The following RPRD1B variants were observed in gnomAD, a reference collection of about 807,000 sequenced individuals.
RPRD1B encodes the protein regulation of nuclear pre-mRNA domain-containing protein 1B.
RPRD1B carries 11 observed loss-of-function variants against 41.5 expected under a neutral mutation model. That is an observed-to-expected ratio of 0.27 (90% CI 0.17 to 0.44). The LOEUF (loss-of-function observed/expected upper bound fraction) is 0.44, where lower values mean the gene tolerates loss of function less well. RPRD1B is among the 20% of genes least tolerant of loss of function. The pLI is 1.00. For missense variants in RPRD1B, 248 were observed against 389.9 expected (o/e 0.64, Z 3.06); for synonymous variants, 158 against 155.6 (o/e 1.02, Z -0.12).
intron 3 of RPRD1B, among the ~76,000 whole-genome samples, chr20:38,055,452 T>G (rs2074230203): frequency 6.6e-6 from 1 of 150,876 alleles, no homozygotes; most frequent in South Asian, 2.1e-4. Context: ...AGCATGCAGT[T>G]TTTTTTTTTT....
At chr20:38,049,797 TGGA>T in intron 3 of RPRD1B, 1 of 471,234 alleles carries the variant, frequency 2.1e-6, no homozygotes, top group South Asian at 1.5e-5. Context: ...ACATGTTTCC[TGGA>T]GGATCGAGTC....
At chr20:38,087,998 T>C (rs2074577785) in intron 6 of RPRD1B, among the ~76,000 whole-genome samples, 1 of 152,182 alleles carries the variant, frequency 6.6e-6, no homozygotes, top group Non-Finnish European at 1.5e-5. Context: ...TGGGAGTCAT[T>C]GCTAATCATT....
chr20:38,040,659 A>T, intron 2 of RPRD1B, 95 bp downstream of exon 2: 1 of 1,356,592 alleles, frequency 7.4e-7, no homozygotes, highest in Non-Finnish European at 1.0e-6. Flanking sequence ...TAAATTGACA[A>T]CTTCCTACTT....
Position 38,091,664 on chromosome 20 carries a change from A to G in RPRD1B, c.*1789A>G, listed in dbSNP as rs2074613109. On this transcript the variant is annotated 3_prime_UTR_variant, in exon 7 of 7. Transcript: ENST00000373433. ...CCCCCCGTGGTGTGCTGCTTTCTAG[A>G]TGAGCGTGTTTTGGAGCAGGCCCAT... 1.0e-6 allele frequency: 1 copy of G among 985,548 alleles called. No individual in the cohort carries two copies. The highest frequency in any genetic ancestry group is 1.1e-4 in the East Asian group (1 of 8,808). The allele number at this position is 985,548 out of a possible 1,614,324, so 61.1% of individuals were successfully genotyped here. A position where few individuals can be genotyped will look rare whatever the true frequency, so the allele number is the denominator to read the frequency against.
intron 6 of RPRD1B, 33 bp from the exon 7 acceptor site, chr20:38,089,693 C>G (rs1189936216): frequency 1.9e-6 from 3 of 1,591,244 alleles, no homozygotes; most frequent in African/African-American, 1.3e-5. Context: ...CACGCACAGA[C>G]TTAACGGTAT....
chr20:38,074,067 A>G (rs1211800959), intron 6 of RPRD1B, among the ~76,000 whole-genome samples: 1 of 152,242 alleles, frequency 6.6e-6, no homozygotes, highest in Non-Finnish European at 1.5e-5. Context: ...CCTTGCACTC[A>G]GTACCTTCCC....
At chr20:38,082,708 C>A (rs1379716640) in intron 6 of RPRD1B, among the ~76,000 whole-genome samples, 1 of 152,214 alleles carries the variant, frequency 6.6e-6, no homozygotes, top group Admixed American at 6.5e-5. Context: ...TTTCTGACTT[C>A]TGCCACAGCC....
intron 5 of RPRD1B, among the ~76,000 whole-genome samples, chr20:38,061,857 C>G (rs115208381): frequency 6.6e-6 from 1 of 152,124 alleles, no homozygotes; most frequent in Non-Finnish European, 1.5e-5. Context: ...AATAATGCCT[C>G]CTGACCCCCC....
chr20:38,050,597 C>T (rs988306597), intron 3 of RPRD1B, among the ~76,000 whole-genome samples: 13 of 152,228 alleles, frequency 8.5e-5, no homozygotes, highest in Non-Finnish European at 1.6e-4. Context: ...TGGACACATA[C>T]TTTGAATAAA....
In RPRD1B at chr20:38,071,990, C is replaced by G. The variant is rs150023828; in HGVS notation, c.831+5734C>G. Among the ~76,000 whole-genome samples, 304 of 152,188 alleles carry G rather than the reference C, an allele frequency of 2.0e-3. 3 individuals are homozygous for G. In the East Asian group the frequency reaches 0.027, roughly 14 times the overall value. The stretch of plus-strand genomic sequence containing the variant: ...TGTCTTTTCACTTTCTAGGTAATAT[C>G]CTTTGATGTGCAAAAGTTTTTTATT... On this transcript the variant is annotated intron_variant, in intron 6 of 6. Coordinates refer to ENST00000373433, the MANE Select transcript of RPRD1B (RefSeq NM_021215.4).
At chr20:38,041,630 A>G (rs1568643220) in intron 2 of RPRD1B, among the ~76,000 whole-genome samples, 2 of 152,244 alleles carry the variant, frequency 1.3e-5, no homozygotes, top group Non-Finnish European at 2.9e-5. Flanking sequence ...GCTATCTGAA[A>G]TAGACAGATT....
At position 38,090,046 on chromosome 20, in the gene RPRD1B, CAGTTCAGA is replaced by C. The variant is rs2074599819; in HGVS notation, c.*173_*180del. The C allele has an allele frequency of 7.3e-7, 1 of 1,371,290 alleles. No individual in the cohort carries two copies. Among genetic ancestry groups the C allele is most frequent in the Non-Finnish European group, 9.4e-7 (1 of 1,061,740 alleles). The allele number at this position is 1,371,290 out of a possible 1,614,324, so 84.9% of individuals were successfully genotyped here. A position where few individuals can be genotyped will look rare whatever the true frequency, so the allele number is the denominator to read the frequency against. Reference sequence around the variant, plus strand: ...CCTCTTCAGCCTCTCATCTTGAGCACAGTTCAGAACAGTGGCGACTGGAATCTGGTTTA... The same window carrying C: ...CCTCTTCAGCCTCTCATCTTGAGCACACAGTGGCGACTGGAATCTGGTTTA... On this transcript the variant is annotated 3_prime_UTR_variant, in exon 7 of 7. Coordinates refer to ENST00000373433, the MANE Select transcript of RPRD1B (RefSeq NM_021215.4).
intron 6 of RPRD1B, among the ~76,000 whole-genome samples, chr20:38,077,178 A>G (rs1378974695): frequency 6.6e-6 from 1 of 151,826 alleles, no homozygotes; most frequent in Non-Finnish European, 1.5e-5. Context: ...TCAGCCTCCC[A>G]AAGCGCTGGG....
At chr20:38,052,517 T>A (rs4809930) in intron 3 of RPRD1B, among the ~76,000 whole-genome samples, 2 of 152,132 alleles carry the variant, frequency 1.3e-5, no homozygotes, top group Admixed American at 1.3e-4. Context: ...TTAATGTGCC[T>A]TATTAAAATG....
chr20:38,088,956 G>A (rs926201054), intron 6 of RPRD1B, among the ~76,000 whole-genome samples: 6 of 152,176 alleles, frequency 3.9e-5, no homozygotes, highest in Non-Finnish European at 7.4e-5. Context: ...CCAGGCTTGC[G>A]GGGAATCCTG....
At chr20:38,052,035 G>A (rs1436117532) in intron 3 of RPRD1B, among the ~76,000 whole-genome samples, 2 of 152,202 alleles carry the variant, frequency 1.3e-5, no homozygotes, top group Non-Finnish European at 2.9e-5. Context: ...ACAGGCATGA[G>A]CCACCACACC....
intron 1 of RPRD1B, among the ~76,000 whole-genome samples, chr20:38,035,656 C>A (rs1020443306): frequency 6.6e-6 from 1 of 152,184 alleles, no homozygotes; most frequent in African/African-American, 2.4e-5. Flanking sequence ...CCCACTGTGC[C>A]ATTCAGAAAT....
chr20:38,036,816 A>G (rs532701476), intron 1 of RPRD1B, among the ~76,000 whole-genome samples: 3 of 152,354 alleles, frequency 2.0e-5, no homozygotes, highest in African/African-American at 7.2e-5. Flanking sequence ...TGACTAAGGA[A>G]CTAAAGTTTT....
At chr20:38,039,698 T>G (rs2074044146) in intron 1 of RPRD1B, among the ~76,000 whole-genome samples, 1 of 147,930 alleles carries the variant, frequency 6.8e-6, no homozygotes, top group Non-Finnish European at 1.5e-5. Context: ...GCCACCACGC[T>G]CGGCGAAACC....
Sources: gnomAD v4.1 joint callset for allele counts (sites outside exome capture counted in the v4.1 genomes callset) on GRCh38, gnomAD v4.1.1 for gene constraint, MANE v1.5 for transcripts, NCBI Gene and HGNC (gene_info 2026-07-23, HGNC 2026-07-21) for gene names.